The following SYN3 variants were observed in gnomAD, a reference collection of about 807,000 sequenced individuals.
SYN3 encodes the protein synapsin III.
Under a neutral mutation model 65.8 loss-of-function variants are expected in SYN3, and 35 were observed. That is an observed-to-expected ratio of 0.53 (90% CI 0.41 to 0.70). The LOEUF is 0.70. Ranked by LOEUF, SYN3 falls within the 30% of genes least tolerant of loss-of-function variation. The pLI is 0.00. For missense variants in SYN3, 680 were observed against 749.0 expected, an observed-to-expected ratio of 0.91 and a Z score of 1.08; for synonymous variants, 270 against 292.9, an observed-to-expected ratio of 0.92 and a Z score of 0.80.
In SYN3 at chr22:32,980,769, A is replaced by C. The variant is rs1008807270; in HGVS notation, c.312-67T>G. 4.1e-6 allele frequency: 6 copies of C among 1,454,576 alleles called. No individual in the cohort carries two copies. The Admixed American group carries it at 8.4e-5, about 20-fold the overall frequency. The allele number at this position is 1,454,576 out of a possible 1,614,324, so 90.1% of individuals were successfully genotyped here. Reference sequence around the variant, plus strand: ...TTTTACTCTTTTCTCCCTTCTCCCAAAGGCCTTACCCCAGAGGTGCATATT... The same window carrying C: ...TTTTACTCTTTTCTCCCTTCTCCCACAGGCCTTACCCCAGAGGTGCATATT... On this transcript the variant is annotated intron_variant, in intron 2 of 13. Coordinates refer to ENST00000358763, the MANE Select transcript of SYN3 (RefSeq NM_003490.4).
chr22:32,776,283 T>C (rs2045906351), intron 6 of SYN3, among the ~76,000 whole-genome samples: 1 of 152,050 alleles, frequency 6.6e-6, no homozygotes, highest in Non-Finnish European at 1.5e-5. Context: ...TGTGAGGGAA[T>C]AAATTTCTGT....
chr22:32,888,817 C>T (rs574402970), intron 4 of SYN3, among the ~76,000 whole-genome samples: 25 of 152,180 alleles, frequency 1.6e-4, no homozygotes, highest in African/African-American at 5.3e-4. Flanking sequence ...ATTAGGGTTG[C>T]TCAACTGCTA....
chr22:33,034,195 C>A (rs561860838), intron 1 of SYN3, among the ~76,000 whole-genome samples: 271 of 149,402 alleles, frequency 1.8e-3, no homozygotes, highest in African/African-American at 6.5e-3. Context: ...TAAAAAAAAA[C>A]ACACACACAC....
chr22:32,739,172 A>AG (rs2061370122), intron 6 of SYN3, among the ~76,000 whole-genome samples: 1 of 134,392 alleles, frequency 7.4e-6, no homozygotes, highest in South Asian at 2.8e-4. Context: ...TAATTGAATC[A>AG]CAGGGGGGGG....
chr22:32,962,957 A>G (rs1420178929), intron 3 of SYN3, among the ~76,000 whole-genome samples: 1 of 150,906 alleles, frequency 6.6e-6, no homozygotes, highest in Non-Finnish European at 1.5e-5. Context: ...TTCTCTCTAT[A>G]TGGGTATAAA....
chr22:32,836,627 G>C (rs533126037), intron 6 of SYN3, among the ~76,000 whole-genome samples: 1 of 152,114 alleles, frequency 6.6e-6, no homozygotes, highest in East Asian at 1.9e-4. Flanking sequence ...CGTTTTTCTC[G>C]TACCTGTTCC....
intron 7 of SYN3, among the ~76,000 whole-genome samples, chr22:32,575,437 G>T (rs960830518): frequency 4.6e-5 from 7 of 152,146 alleles, no homozygotes; most frequent in African/African-American, 1.7e-4. Flanking sequence ...AAGCATGGGG[G>T]TGGGGGTCTT....
chr22:32,932,908 C>A (rs2050672569), intron 3 of SYN3, among the ~76,000 whole-genome samples: 1 of 152,152 alleles, frequency 6.6e-6, no homozygotes, highest in Non-Finnish European at 1.5e-5. Context: ...CCAGACCTCT[C>A]TCTTTGGCTT....
Position 32,513,028 on chromosome 22 carries a change from C to T in SYN3, c.*664G>A, listed in dbSNP as rs2057710326. ...AGTATGAGTGGCATTACAAGGGCCC[C>T]CCTGTTTCTGTCGTGTTCTGAAAGA... On this transcript the variant is annotated 3_prime_UTR_variant, in exon 14 of 14. Transcript: ENST00000358763. 6.6e-6 allele frequency: 1 copy of T among 152,048 alleles called. No individual in the cohort carries two copies. The highest frequency in any genetic ancestry group is 6.6e-5 in the Admixed American group (1 of 15,248). 9.4% of individuals were successfully genotyped at this position (152,048 alleles called of 1,614,324 possible). A position where few individuals can be genotyped will look rare whatever the true frequency, so the allele number is the denominator to read the frequency against.
At chr22:33,024,447 A>G (rs1015477102) in intron 1 of SYN3, among the ~76,000 whole-genome samples, 1 of 151,850 alleles carries the variant, frequency 6.6e-6, no homozygotes, top group Non-Finnish European at 1.5e-5. Flanking sequence ...GACCCAAATG[A>G]TTCACTGCAG....
chr22:32,646,411 AT>A (rs2059984397), intron 6 of SYN3, among the ~76,000 whole-genome samples: 1 of 152,170 alleles, frequency 6.6e-6, no homozygotes, highest in South Asian at 2.1e-4. Context: ...ATCCACTTAC[AT>A]TTCTTGCATC....
chr22:32,695,716 T>C (rs569657741), intron 6 of SYN3, among the ~76,000 whole-genome samples: 1 of 152,338 alleles, frequency 6.6e-6, no homozygotes, highest in East Asian at 1.9e-4. Context: ...TCAGGGTTTG[T>C]ACTACTGGCT....
At chr22:32,881,472 C>T (rs2049134480) in intron 4 of SYN3, among the ~76,000 whole-genome samples, 1 of 152,150 alleles carries the variant, frequency 6.6e-6, no homozygotes, top group Admixed American at 6.5e-5. Context: ...TAGGGCACCC[C>T]CTCCCAAGCT....
At chr22:32,739,264 T>C (rs2061373049) in intron 6 of SYN3, among the ~76,000 whole-genome samples, 1 of 152,160 alleles carries the variant, frequency 6.6e-6, no homozygotes, top group Non-Finnish European at 1.5e-5. Context: ...CCCCTTTCAC[T>C]TGGCTCTCAT....
chr22:32,918,913 GC>G (rs896758936), intron 4 of SYN3, among the ~76,000 whole-genome samples: 31 of 152,342 alleles, frequency 2.0e-4, no homozygotes, highest in African/African-American at 7.5e-4. Flanking sequence ...CCGGGATCCA[GC>G]CCAGGCGGTC....
intron 7 of SYN3, among the ~76,000 whole-genome samples, chr22:32,585,949 CATATATGTGTATATACGTATATAT>C (rs2059022141): frequency 6.0e-5 from 2 of 33,270 alleles, no homozygotes; most frequent in Admixed American, 4.8e-4. Flanking sequence ...TGTATGTATA[CATATATGTGTATATACGTATATAT>C]GTATATATGT....
chr22:32,953,845 A>G (rs1487501612), intron 3 of SYN3, among the ~76,000 whole-genome samples: 2 of 152,194 alleles, frequency 1.3e-5, no homozygotes, highest in Admixed American at 1.3e-4. Flanking sequence ...CTCCTTCTTC[A>G]TCAACATCAT....
At chr22:32,972,710 T>C (rs950119507) in intron 3 of SYN3, among the ~76,000 whole-genome samples, 1 of 152,160 alleles carries the variant, frequency 6.6e-6, no homozygotes, top group Non-Finnish European at 1.5e-5. Flanking sequence ...AGCACAGGTC[T>C]GGCTAAGTGC....
chr22:32,751,866 A>C (rs1041914390), intron 6 of SYN3, among the ~76,000 whole-genome samples: 1 of 152,204 alleles, frequency 6.6e-6, no homozygotes, highest in Non-Finnish European at 1.5e-5. Context: ...AATAGGAAGC[A>C]TTTAGTGAGC....
Sources: gnomAD v4.1 joint callset for allele counts (sites outside exome capture counted in the v4.1 genomes callset) on GRCh38, gnomAD v4.1.1 for gene constraint, MANE v1.5 for transcripts, NCBI Gene and HGNC (gene_info 2026-07-23, HGNC 2026-07-21) for gene names.